Variants in RAD51B observed in about 807,000 individuals in gnomAD.
RAD51B encodes the protein RAD51 paralog B.
RAD51B carries 38 observed loss-of-function variants against 42.2 expected under a neutral mutation model. The observed-to-expected ratio is 0.90, with a 90% CI of 0.70 to 1.18. The LOEUF (loss-of-function observed/expected upper bound fraction) is 1.18. RAD51B is among the 50% of genes most tolerant of loss of function. The probability of loss-of-function intolerance (pLI) is 0.00; values close to 1 mark genes in which losing one functional copy is unlikely to be tolerated. For synonymous variants in RAD51B, 154 were observed against 145.2 expected (o/e 1.06, Z -0.43); for missense variants, 373 against 400.7 (o/e 0.93, Z 0.59).
chr14:68,327,747 T>G (rs1422577517), intron 8 of RAD51B, among the ~76,000 whole-genome samples: 1 of 152,114 alleles, frequency 6.6e-6, no homozygotes, highest in East Asian at 1.9e-4. Context: ...TATATAATAT[T>G]CATAAATTAA....
intron 7 of RAD51B, among the ~76,000 whole-genome samples, chr14:67,893,490 A>C (rs2043286238): frequency 2.6e-5 from 2 of 76,488 alleles, no homozygotes; most frequent in Non-Finnish European, 2.7e-5. Context: ...ACACACACAC[A>C]CACACACACA....
intron 2 of RAD51B, 135 bp from the exon 3 acceptor site, chr14:67,825,329 A>G (rs985114210): frequency 2.3e-5 from 13 of 557,524 alleles, no homozygotes; most frequent in African/African-American, 5.8e-5. Flanking sequence ...AAATACTACA[A>G]TGAATGTATA....
chr14:68,236,374 A>G (rs932632297), intron 7 of RAD51B: 1 of 152,136 alleles, frequency 6.6e-6, no homozygotes, highest in Non-Finnish European at 1.5e-5. Context: ...CTCCTTAGGC[A>G]ACCTGGTTGT....
At chr14:68,202,075 T>C (rs1380362747) in intron 7 of RAD51B, among the ~76,000 whole-genome samples, 2 of 152,248 alleles carry the variant, frequency 1.3e-5, no homozygotes, top group Non-Finnish European at 2.9e-5. Context: ...GTTATGTTAA[T>C]GCTATACTGT....
At chr14:67,921,809 C>A (rs1281589009) in intron 7 of RAD51B, among the ~76,000 whole-genome samples, 1 of 152,124 alleles carries the variant, frequency 6.6e-6, no homozygotes, top group East Asian at 1.9e-4. Context: ...GGGTTTTCTC[C>A]TGGTACTTCA....
intron 8 of RAD51B, among the ~76,000 whole-genome samples, chr14:68,311,153 G>A (rs2081960125): frequency 6.6e-6 from 1 of 152,148 alleles, no homozygotes; most frequent in South Asian, 2.1e-4. Context: ...CTTTGAAGAG[G>A]AAATCATTGC....
chr14:68,622,735 A>C (rs1474463659), intron 10 of RAD51B, among the ~76,000 whole-genome samples: 3 of 151,710 alleles, frequency 2.0e-5, no homozygotes, highest in Non-Finnish European at 2.9e-5. Flanking sequence ...AAAAAAAAAA[A>C]AAAAAAAACT....
intron 9 of RAD51B, among the ~76,000 whole-genome samples, chr14:68,415,196 G>T (rs946730558): frequency 3.9e-5 from 6 of 152,014 alleles, no homozygotes; most frequent in Non-Finnish European, 7.4e-5. Context: ...TATTTGTAAA[G>T]CTCCCCCATG....
At chr14:68,613,279 A>G (rs185061489), downstream of RAD51B, among the ~76,000 whole-genome samples, 2 of 151,926 alleles carry the variant, frequency 1.3e-5, no homozygotes, top group Admixed American at 1.3e-4. Flanking sequence ...TTAGCCAGGC[A>G]TGGTGACTCA....
intron 7 of RAD51B, among the ~76,000 whole-genome samples, chr14:68,003,450 T>A (rs1460205111): frequency 2.6e-5 from 4 of 152,202 alleles, no homozygotes; most frequent in Admixed American, 1.3e-4. Context: ...AGGTATAGGA[T>A]CATGCCATTT....
chr14:68,393,322 G>A (rs956614957), intron 8 of RAD51B, among the ~76,000 whole-genome samples: 2 of 152,166 alleles, frequency 1.3e-5, no homozygotes, highest in African/African-American at 4.8e-5. Context: ...TCAGTGCACC[G>A]TCAAACTAGG....
intron 7 of RAD51B, among the ~76,000 whole-genome samples, chr14:68,022,186 T>C (rs2075878437): frequency 6.6e-6 from 1 of 152,212 alleles, no homozygotes; most frequent in African/African-American, 2.4e-5. Flanking sequence ...ATGTATTGTT[T>C]GGTTTTCTGT....
intron 7 of RAD51B, among the ~76,000 whole-genome samples, chr14:68,102,883 G>A (rs2077315133): frequency 6.6e-6 from 1 of 152,156 alleles, no homozygotes; most frequent in Non-Finnish European, 1.5e-5. Context: ...AGGTTTAGTT[G>A]ACTCACAGTT....
chr14:68,051,847 C>T (rs552308906), intron 7 of RAD51B, among the ~76,000 whole-genome samples: 24 of 151,332 alleles, frequency 1.6e-4, no homozygotes, highest in Non-Finnish European at 2.6e-4. Flanking sequence ...AAGCGATTCT[C>T]CCATACGCAT....
intron 7 of RAD51B, among the ~76,000 whole-genome samples, chr14:68,290,070 A>T (rs1345663476): frequency 6.6e-6 from 1 of 152,104 alleles, no homozygotes. Context: ...TTGATATAGG[A>T]TTTATAATGT....
chr14:68,188,248 T>C (rs1379212656), intron 7 of RAD51B, among the ~76,000 whole-genome samples: 1 of 152,034 alleles, frequency 6.6e-6, no homozygotes, highest in Non-Finnish European at 1.5e-5. Context: ...GTGATTTCTT[T>C]TTTTTTTTCT....
At chr14:68,388,984 C>T (rs1475786383) in intron 8 of RAD51B, among the ~76,000 whole-genome samples, 1 of 152,130 alleles carries the variant, frequency 6.6e-6, no homozygotes, top group Non-Finnish European at 1.5e-5. Flanking sequence ...TTTTATGGAG[C>T]CATATTTCAG....
At chr14:68,660,258 G>A (rs1241290154) in intron 11 of RAD51B, among the ~76,000 whole-genome samples, 2 of 152,184 alleles carry the variant, frequency 1.3e-5, no homozygotes, top group Admixed American at 6.5e-5. Context: ...AAAACAAAAA[G>A]CAGAAAAATA....
intron 7 of RAD51B, among the ~76,000 whole-genome samples, chr14:68,106,600 CT>C (rs2077380628): frequency 6.6e-6 from 1 of 151,890 alleles, no homozygotes. Context: ...TGCATTGCCT[CT>C]GGCTAAATTT....
Sources: gnomAD v4.1 joint callset for allele counts (sites outside exome capture counted in the v4.1 genomes callset) on GRCh38, gnomAD v4.1.1 for gene constraint, MANE v1.5 for transcripts, NCBI Gene and HGNC (gene_info 2026-07-23, HGNC 2026-07-21) for gene names.